Variants in AGGF1 observed in about 807,000 individuals in gnomAD.
AGGF1 encodes angiogenic factor with G-patch and FHA domains 1, also known as angiogenic factor with G patch and FHA domains 1.
AGGF1 carries 56 observed loss-of-function variants against 86.5 expected under a neutral mutation model. The observed-to-expected ratio is 0.65, with a 90% CI of 0.52 to 0.81. AGGF1 has a LOEUF of 0.81. AGGF1 is among the 30% of genes least tolerant of loss of function. The pLI is 0.00. For synonymous variants in AGGF1, 313 were observed against 297.1 expected, an observed-to-expected ratio of 1.05 and a Z score of -0.55; for missense variants, 816 against 850.9, an observed-to-expected ratio of 0.96 and a Z score of 0.51.
intron 8 of AGGF1, among the ~76,000 whole-genome samples, chr5:77,050,757 C>T (rs933651317): frequency 6.6e-6 from 1 of 152,056 alleles, no homozygotes; most frequent in African/African-American, 2.4e-5. Context: ...CGGACAGGCA[C>T]AACAAATATG....
At chr5:77,045,151 G>A (rs1747220727) in intron 5 of AGGF1, among the ~76,000 whole-genome samples, 1 of 152,032 alleles carries the variant, frequency 6.6e-6, no homozygotes, top group Admixed American at 6.6e-5. Flanking sequence ...GCCTCATGTT[G>A]CTCTGAGGTA....
chr5:77,064,770 C>CT lies in AGGF1; in HGVS notation c.*1519dup, dbSNP rs1742758815. 1 of 152,122 alleles carries CT rather than the reference C, an allele frequency of 6.6e-6. No individual in the cohort carries two copies. The highest frequency in any genetic ancestry group is 2.4e-5 in the African/African-American group (1 of 41,424). The allele number at this position is 152,122 out of a possible 1,614,324, so 9.4% of individuals were successfully genotyped here. ...TAAATGTGGTTCTGGTGCTGGTGCC[C>CT]TGTATATATGTAACAATATAGGACC... On this transcript the variant is annotated 3_prime_UTR_variant, in exon 14 of 14. Transcript: ENST00000312916.
Position 77,063,585 on chromosome 5 carries a change from A to G in AGGF1, c.*333A>G. The G allele has an allele frequency of 6.7e-6, 2 of 298,550 alleles. No homozygotes were observed. The highest frequency in any genetic ancestry group is 1.3e-5 in the Non-Finnish European group (2 of 156,846). The allele number at this position is 298,550 out of a possible 1,614,324, so 18.5% of individuals were successfully genotyped here. ...AGAACTACTAATGACTTAAGTGTACATCTGTTCTTGTCTCCATATATTCAT... is the reference window on the plus strand; with the variant it reads ...AGAACTACTAATGACTTAAGTGTACGTCTGTTCTTGTCTCCATATATTCAT... On this transcript the variant is annotated 3_prime_UTR_variant, in exon 14 of 14. Coordinates refer to ENST00000312916, the MANE Select transcript of AGGF1 (RefSeq NM_018046.5).
chr5:77,057,948 C>G (rs1000642262), intron 11 of AGGF1, among the ~76,000 whole-genome samples: 3 of 152,140 alleles, frequency 2.0e-5, no homozygotes, highest in Admixed American at 1.3e-4. Flanking sequence ...AAGAACTGTT[C>G]TGCACCATTT....
intron 8 of AGGF1, among the ~76,000 whole-genome samples, chr5:77,050,381 G>A (rs1747351125): frequency 1.4e-5 from 2 of 140,294 alleles, no homozygotes; most frequent in South Asian, 4.5e-4. Flanking sequence ...GAATGCAGTG[G>A]CACGCACCAC....
intron 12 of AGGF1, among the ~76,000 whole-genome samples, chr5:77,060,857 T>A (rs921790799): frequency 6.6e-6 from 1 of 152,118 alleles, no homozygotes; most frequent in African/African-American, 2.4e-5. Context: ...TAAAATATAA[T>A]CTTGGAGAGT....
At chr5:77,034,369 A>T in intron 1 of AGGF1, 49 bp from the exon 2 acceptor site, 1 of 1,132,784 alleles carries the variant, frequency 8.8e-7, no homozygotes, top group South Asian at 1.2e-5. Context: ...TATATATATT[A>T]TTAGATTGTT....
chr5:77,042,189 T>C (rs1747102968), intron 5 of AGGF1, among the ~76,000 whole-genome samples: 2 of 151,296 alleles, frequency 1.3e-5, no homozygotes, highest in African/African-American at 4.9e-5. Context: ...CAGAACAAAA[T>C]GAAGTCTCCC....
intron 12 of AGGF1, among the ~76,000 whole-genome samples, chr5:77,060,819 A>C (rs1415557158): frequency 1.3e-5 from 2 of 152,224 alleles, no homozygotes; most frequent in Non-Finnish European, 2.9e-5. Flanking sequence ...ACACTAAGCA[A>C]CATGACACTT....
chr5:77,032,933 T>C (rs1293153434), intron 1 of AGGF1, among the ~76,000 whole-genome samples: 2 of 151,356 alleles, frequency 1.3e-5, no homozygotes, highest in Non-Finnish European at 3.0e-5. Flanking sequence ...GATTTAGTTA[T>C]TAAATGTTAA....
intron 4 of AGGF1, 126 bp from the exon 5 acceptor site, chr5:77,039,405 C>G (rs1276749819): frequency 4.1e-6 from 3 of 723,666 alleles, no homozygotes; most frequent in Non-Finnish European, 4.4e-6. Context: ...ATCTTTAATT[C>G]ATTGTCTTCT....
At position 77,030,943 on chromosome 5, in the gene AGGF1, C is replaced by G. The variant is rs1746837174; in HGVS notation, c.177C>G (p.Asn59Lys). Residue 59 changes from asparagine to lysine, a missense_variant, in exon 1 of 14, where the codon AAC becomes AAG. Around this residue, in one of 3 missense-constraint regions of AGGF1, gnomAD observed 240 missense variants for 234.4 expected, o/e 1.02. Transcript: ENST00000312916. ...ATCACACAGAACGGCTGTACCAGAA[C>G]GCAGAAAGCAACAACCAGGAGCTCC... ...LLHHTERLYQ[N>K]AESNNQELRT... The G allele has an allele frequency of 1.9e-6, 3 of 1,612,842 alleles. No individual in the cohort carries two copies. Among genetic ancestry groups the G allele is most frequent in the Admixed American group, 1.7e-5 (1 of 60,010 alleles).
At chr5:77,045,353 A>G (rs755560608) in intron 5 of AGGF1, among the ~76,000 whole-genome samples, 13 of 152,240 alleles carry the variant, frequency 8.5e-5, no homozygotes, top group African/African-American at 1.4e-4. Flanking sequence ...TAAGTATTTG[A>G]GGTAATGTAC....
In AGGF1 at chr5:77,064,189, A is replaced by G. The variant is rs936111671; in HGVS notation, c.*937A>G. ...TCTAGTTTAAATTGGCAGAGTTATA[A>G]CAAAGGAGAGCCTCAAATATTAGAC... On this transcript the variant is annotated 3_prime_UTR_variant, in exon 14 of 14. Coordinates refer to ENST00000312916, the MANE Select transcript of AGGF1 (RefSeq NM_018046.5). 2 of 152,656 alleles carry G rather than the reference A, an allele frequency of 1.3e-5. No homozygotes were observed. The highest frequency in any genetic ancestry group is 2.9e-5 in the Non-Finnish European group (2 of 68,046). The allele number at this position is 152,656 out of a possible 1,614,324, so 9.5% of individuals were successfully genotyped here.
At position 77,036,450 on chromosome 5, in the gene AGGF1, A is replaced by G. The variant is rs182369855; in HGVS notation, c.517-106A>G. ...GATAGTCATGCTTTTCCTTTGTAGA[A>G]ATTGAAGTCGTTACTTAAACATAGT... On this transcript the variant is annotated intron_variant, in intron 3 of 13. Transcript: ENST00000312916. 980 of 1,135,116 alleles carry G rather than the reference A, an allele frequency of 8.6e-4. 3 individuals are homozygous for G. Among genetic ancestry groups the G allele is most frequent in the Non-Finnish European group, 1.2e-3 (904 of 760,764 alleles). The allele number at this position is 1,135,116 out of a possible 1,614,324, so 70.3% of individuals were successfully genotyped here.
chr5:77,062,657 T>C (rs1457558845), intron 13 of AGGF1, among the ~76,000 whole-genome samples: 1 of 152,198 alleles, frequency 6.6e-6, no homozygotes, highest in Admixed American at 6.5e-5. Context: ...AATCAAATTC[T>C]TTTTATGGTT....
rs564622484 is a variant in AGGF1, at chr5:77,043,779, C to A, written c.871-2568C>A. 1.6e-3 allele frequency among the ~76,000 whole-genome samples: 196 copies of A among 120,808 alleles called. 8 individuals carry two copies. The highest frequency in any genetic ancestry group is 3.9e-3 in the South Asian group (15 of 3,872). 79.3% of individuals were successfully genotyped at this position (120,808 alleles called of 152,430 possible). On this transcript the variant is annotated intron_variant, in intron 5 of 13. Coordinates refer to ENST00000312916, the MANE Select transcript of AGGF1 (RefSeq NM_018046.5). ...CCGGGCGGAGAGGCTCCTCACTTCT[C>A]AGAGTGGGCAGCTGCCGGGCGGAGG...
chr5:77,038,806 T>G (rs1291811521), intron 4 of AGGF1, among the ~76,000 whole-genome samples: 1 of 152,130 alleles, frequency 6.6e-6, no homozygotes, highest in Non-Finnish European at 1.5e-5. Flanking sequence ...TTAAATTTGG[T>G]TTTAGAGTAC....
intron 5 of AGGF1, among the ~76,000 whole-genome samples, chr5:77,043,785 G>A (rs2150730549): frequency 8.2e-6 from 1 of 121,572 alleles, no homozygotes; most frequent in African/African-American, 2.9e-5. Flanking sequence ...TTCTCAGAGT[G>A]GGCAGCTGCC....
Sources: gnomAD v4.1 joint callset for allele counts (sites outside exome capture counted in the v4.1 genomes callset) on GRCh38, gnomAD v4.1.1 for gene constraint, gnomAD v4.1.1 regional missense constraint, MANE v1.5 for transcripts, NCBI Gene and HGNC (gene_info 2026-07-23, HGNC 2026-07-21) for gene names.